Variants in PRTG observed in about 807,000 individuals in gnomAD.
PRTG encodes the protein protogenin, also known as immunoglobulin superfamily, DCC subclass, member 5.
PRTG carries 67 observed loss-of-function variants against 122.5 expected under a neutral mutation model. The ratio of observed to expected loss-of-function variants is 0.55; its 90% CI spans 0.45 to 0.67. The LOEUF is 0.67. PRTG is among the 30% of genes least tolerant of loss of function. The pLI is 0.00. For missense variants in PRTG, 1,435 were observed against 1,415.4 expected (o/e 1.01, Z -0.22); for synonymous variants, 554 against 501.1 (o/e 1.11, Z -1.41).
At chr15:55,683,048 G>A (rs1202148634) in intron 3 of PRTG, among the ~76,000 whole-genome samples, 1 of 152,062 alleles carries the variant, frequency 6.6e-6, no homozygotes, top group Non-Finnish European at 1.5e-5. Context: ...TCTATCAGTC[G>A]AATTTTACAG....
chr15:55,723,756 T>C (rs1261523011), intron 2 of PRTG, among the ~76,000 whole-genome samples: 4 of 140,216 alleles, frequency 2.9e-5, no homozygotes, highest in Non-Finnish European at 1.5e-5. Context: ...TTTTTTCTTT[T>C]TTTTTTTTTT....
chr15:55,680,020 A>G (rs1487031197), intron 6 of PRTG, 34 bp downstream of exon 6: 3 of 1,578,154 alleles, frequency 1.9e-6, no homozygotes, highest in African/African-American at 1.4e-5. Flanking sequence ...TTAAAATGTA[A>G]GATTCCCCTG....
intron 15 of PRTG, among the ~76,000 whole-genome samples, chr15:55,634,771 G>A (rs1361756265): frequency 6.6e-6 from 1 of 151,970 alleles, no homozygotes; most frequent in Non-Finnish European, 1.5e-5. Context: ...GAACCCAGGA[G>A]GAAGAGGTTA....
chr15:55,646,327 CT>C lies in PRTG; in HGVS notation c.2042-5120del, dbSNP rs368603650. The stretch of plus-strand genomic sequence containing the variant: ...GTGCCCAGCCTCACTCCTCAATTCT[CT>C]TTTTTTTTTTTTAGGACGGAGTCTT... On this transcript the variant is annotated intron_variant, in intron 11 of 19. Coordinates refer to ENST00000389286, the MANE Select transcript of PRTG (RefSeq NM_173814.6). 3.3e-3 allele frequency among the ~76,000 whole-genome samples: 423 copies of C among 127,498 alleles called. 5 individuals are homozygous for C. The highest frequency in any genetic ancestry group is 5.1e-3 in the Middle Eastern group (1 of 196). The allele number at this position is 127,498 out of a possible 152,430, so 83.6% of individuals were successfully genotyped here.
At chr15:55,624,279 T>C in intron 18 of PRTG, 63 bp downstream of exon 18, 1 of 1,488,784 alleles carries the variant, frequency 6.7e-7, no homozygotes, top group South Asian at 1.3e-5. Flanking sequence ...GGAAGTACAT[T>C]TTACACACAC....
chr15:55,721,184 G>A (rs1232994187), intron 2 of PRTG, among the ~76,000 whole-genome samples: 2 of 152,092 alleles, frequency 1.3e-5, no homozygotes, highest in Admixed American at 1.3e-4. Flanking sequence ...AACCTAAAAT[G>A]TGTCTTCCAT....
At chr15:55,726,635 T>G in intron 2 of PRTG, among the ~76,000 whole-genome samples, 1 of 138,040 alleles carries the variant, frequency 7.2e-6, no homozygotes, top group Non-Finnish European at 1.6e-5. Flanking sequence ...GAGCGAATCT[T>G]CGTCTCAAAA....
At chr15:55,739,393 A>G (rs1441392670) in intron 2 of PRTG, among the ~76,000 whole-genome samples, 3 of 152,000 alleles carry the variant, frequency 2.0e-5, no homozygotes, top group Admixed American at 1.3e-4. Context: ...CCACCAGCCC[A>G]GCTAAGATTA....
intron 2 of PRTG, among the ~76,000 whole-genome samples, chr15:55,686,546 C>A (rs760998137): frequency 3.3e-5 from 5 of 152,144 alleles, no homozygotes; most frequent in Non-Finnish European, 7.4e-5. Context: ...TTCTCTTCAT[C>A]CCTAACAGTC....
At chr15:55,627,164 G>GA (rs752815175) in intron 16 of PRTG, 36 bp from the exon 17 acceptor site, 1 of 1,465,900 alleles carries the variant, frequency 6.8e-7, no homozygotes, top group Non-Finnish European at 9.2e-7. Flanking sequence ...GAATCAATCA[G>GA]AAAAATAAAT....
chr15:55,696,783 A>T (rs953136975), intron 2 of PRTG, among the ~76,000 whole-genome samples: 1 of 152,188 alleles, frequency 6.6e-6, no homozygotes, highest in Non-Finnish European at 1.5e-5. Context: ...TTTCTAGTGA[A>T]CATGTTATCC....
intron 15 of PRTG, among the ~76,000 whole-genome samples, chr15:55,636,878 C>T (rs1029840815): frequency 6.6e-6 from 1 of 152,148 alleles, no homozygotes; most frequent in Non-Finnish European, 1.5e-5. Context: ...AACTCCGGAC[C>T]TCAGGTAATC....
intron 17 of PRTG, among the ~76,000 whole-genome samples, chr15:55,625,905 G>A (rs2059192197): frequency 6.6e-6 from 1 of 152,046 alleles, no homozygotes; most frequent in South Asian, 2.1e-4. Context: ...TTACAGGCGT[G>A]AACCATTGCA....
At chr15:55,652,031 T>C (rs2059355729) in intron 11 of PRTG, among the ~76,000 whole-genome samples, 1 of 152,234 alleles carries the variant, frequency 6.6e-6, no homozygotes, top group East Asian at 1.9e-4. Flanking sequence ...CACAGGAACA[T>C]GCTGGGGTGG....
In PRTG at chr15:55,619,089, C is replaced by A. The variant is rs2059153000; in HGVS notation, c.*923G>T. 1 of 152,080 alleles carries A rather than the reference C, an allele frequency of 6.6e-6. No individual in the cohort carries two copies. Among genetic ancestry groups the A allele is most frequent in the Admixed American group, 6.6e-5 (1 of 15,260 alleles). 9.4% of individuals were successfully genotyped at this position (152,080 alleles called of 1,614,324 possible). On this transcript the variant is annotated 3_prime_UTR_variant, in exon 20 of 20. Coordinates refer to ENST00000389286, the MANE Select transcript of PRTG (RefSeq NM_173814.6). ...TACTGGCAAAGTTGAGGATGCTTTG[C>A]AAACTAGACAGTGCAGCCTTTGGCC...
chr15:55,710,907 A>AT lies in PRTG; in HGVS notation c.398-26977dup, dbSNP rs1301306780. The stretch of plus-strand genomic sequence containing the variant: ...GCTTTATAGCAGATGTGGTTTTTTG[A>AT]TTTTTTTTGTTTTTTTGAGACAGAG... On this transcript the variant is annotated intron_variant, in intron 2 of 19. Coordinates refer to ENST00000389286, the MANE Select transcript of PRTG (RefSeq NM_173814.6). Among the ~76,000 whole-genome samples, 6 of 150,518 alleles carry AT rather than the reference A, an allele frequency of 4.0e-5. No homozygotes were observed. In the Middle Eastern group the frequency reaches 0.01, roughly 258 times the overall value.
Position 55,672,434 on chromosome 15 carries a change from A to G in PRTG, c.2041+11T>C. On this transcript the variant is annotated intron_variant, in intron 11 of 19. Transcript: ENST00000389286. ...AGGAAAAAGGGAAAAATACAGTACAAACTCACTCACCTAAGCCACTGAGAG... is the reference window on the plus strand; with the variant it reads ...AGGAAAAAGGGAAAAATACAGTACAGACTCACTCACCTAAGCCACTGAGAG... 1 of 1,606,310 alleles carries G rather than the reference A, an allele frequency of 6.2e-7. No individual in the cohort carries two copies. Among genetic ancestry groups the G allele is most frequent in the Non-Finnish European group, 8.5e-7 (1 of 1,176,386 alleles).
chr15:55,669,036 TCGTTAAATGAA>T (rs2059453614), intron 11 of PRTG, among the ~76,000 whole-genome samples: 1 of 152,208 alleles, frequency 6.6e-6, no homozygotes, highest in African/African-American at 2.4e-5. Context: ...TTGAAAATGC[TCGTTAAATGAA>T]TTGAAATACA....
At chr15:55,634,881 C>T (rs970763353) in intron 15 of PRTG, among the ~76,000 whole-genome samples, 10 of 152,058 alleles carry the variant, frequency 6.6e-5, no homozygotes, top group African/African-American at 1.9e-4. Context: ...ATACTGAGGG[C>T]CCCAGTGAAT....
Sources: allele counts gnomAD v4.1 joint callset (sites outside exome capture counted in the v4.1 genomes callset), GRCh38; gene constraint gnomAD v4.1.1; transcripts MANE v1.5; gene names NCBI Gene and HGNC (gene_info 2026-07-23, HGNC 2026-07-21).